Variants in C1QTNF3 observed in about 807,000 individuals in gnomAD.
The protein encoded by C1QTNF3 is complement C1q tumor necrosis factor-related protein 3.
A neutral mutation model predicts 32.6 loss-of-function variants in C1QTNF3; 26 were observed. The observed-to-expected ratio is 0.80, with a 90% CI of 0.58 to 1.11. The LOEUF (loss-of-function observed/expected upper bound fraction) is 1.11, where lower values mean the gene tolerates loss of function less well. Ranked by LOEUF, C1QTNF3 falls within the 50% of genes least tolerant of loss-of-function variation. The probability of loss-of-function intolerance (pLI) is 0.00; values close to 1 mark genes in which losing one functional copy is unlikely to be tolerated. For missense variants in C1QTNF3, 362 were observed against 398.2 expected, an observed-to-expected ratio of 0.91 and a Z score of 0.77; for synonymous variants, 155 against 146.0, an observed-to-expected ratio of 1.06 and a Z score of -0.44.
the C1QTNF3 span, among the ~76,000 whole-genome samples, chr5:34,048,363 G>T: frequency 8.3e-3 from 1,266 of 151,770 alleles, 57 homozygotes; most frequent in East Asian, 0.14. Context: ...TTGAGCATTT[G>T]TGTCCATCAG....
chr5:34,039,219 A>G (rs1754812267), intron 1 of C1QTNF3, among the ~76,000 whole-genome samples: 1 of 152,146 alleles, frequency 6.6e-6, no homozygotes, highest in Admixed American at 6.5e-5. Flanking sequence ...AACCCACCCC[A>G]AGGGAAGAAT....
At chr5:34,137,220 T>G in the C1QTNF3 span, among the ~76,000 whole-genome samples, 1 of 151,398 alleles carries the variant, frequency 6.6e-6, no homozygotes, top group Non-Finnish European at 1.5e-5. Context: ...CCAAGACAAA[T>G]ATCAGGATCC....
the C1QTNF3 span, among the ~76,000 whole-genome samples, chr5:34,153,853 T>G: frequency 3.0e-5 from 1 of 32,942 alleles, no homozygotes; most frequent in African/African-American, 9.3e-5. Context: ...ACTTAGAGTA[T>G]AAAAAAAAAA....
chr5:34,202,362 T>A, the C1QTNF3 span, among the ~76,000 whole-genome samples: 1 of 151,884 alleles, frequency 6.6e-6, no homozygotes, highest in Non-Finnish European at 1.5e-5. Context: ...TTTCTCTTCA[T>A]GGGAATATCC....
intron 1 of C1QTNF3, 56 bp downstream of exon 1, chr5:34,042,767 C>CAAT: frequency 2.0e-6 from 3 of 1,503,922 alleles, no homozygotes; most frequent in Non-Finnish European, 2.7e-6. Flanking sequence ...AACAAAACAA[C>CAAT]AACAACAACA....
the C1QTNF3 span, among the ~76,000 whole-genome samples, chr5:34,100,408 G>T: frequency 1.3e-5 from 2 of 150,986 alleles, no homozygotes; most frequent in Non-Finnish European, 3.0e-5. Context: ...TTAGCAAATG[G>T]CTTAAAATAC....
chr5:34,071,934 T>C, the C1QTNF3 span, among the ~76,000 whole-genome samples: 2 of 152,062 alleles, frequency 1.3e-5, no homozygotes, highest in Admixed American at 1.3e-4. Context: ...AAAGCTATTG[T>C]GATATTACTT....
chr5:34,075,532 G>A, the C1QTNF3 span, among the ~76,000 whole-genome samples: 1 of 151,596 alleles, frequency 6.6e-6, no homozygotes, highest in East Asian at 1.9e-4. Context: ...CAATTTGATA[G>A]CATAAGAGGA....
chr5:34,080,762 C>T, the C1QTNF3 span, among the ~76,000 whole-genome samples: 7 of 151,846 alleles, frequency 4.6e-5, no homozygotes, highest in East Asian at 1.4e-3. Context: ...CTTTTGTTAA[C>T]AGCAGAGGAA....
the C1QTNF3 span, among the ~76,000 whole-genome samples, chr5:34,204,479 CAAAT>C: frequency 6.6e-6 from 1 of 151,960 alleles, no homozygotes; most frequent in African/African-American, 2.4e-5. Context: ...TTAAGTGAAA[CAAAT>C]CAGACACAGA....
At chr5:34,176,870 T>C in the C1QTNF3 span, among the ~76,000 whole-genome samples, 2 of 151,554 alleles carry the variant, frequency 1.3e-5, no homozygotes, top group Non-Finnish European at 2.9e-5. Context: ...AATGAATGAA[T>C]GAATGAATGA....
At chr5:34,061,600 G>A in the C1QTNF3 span, among the ~76,000 whole-genome samples, 1 of 152,148 alleles carries the variant, frequency 6.6e-6, no homozygotes, top group East Asian at 1.9e-4. Flanking sequence ...TGCATTCTCA[G>A]GCTCAACACC....
the C1QTNF3 span, among the ~76,000 whole-genome samples, chr5:34,129,116 CT>C: frequency 6.6e-6 from 1 of 152,018 alleles, no homozygotes; most frequent in African/African-American, 2.4e-5. Context: ...GCACTTCCCC[CT>C]TCACACTCTT....
At chr5:34,157,843 T>C in the C1QTNF3 span, among the ~76,000 whole-genome samples, 1 of 152,210 alleles carries the variant, frequency 6.6e-6, no homozygotes, top group Non-Finnish European at 1.5e-5. Context: ...CTTATAGATC[T>C]GTAAGACGAT....
chr5:34,091,738 T>G, the C1QTNF3 span, among the ~76,000 whole-genome samples: 1 of 152,070 alleles, frequency 6.6e-6, no homozygotes, highest in Non-Finnish European at 1.5e-5. Flanking sequence ...GATGTCTCGT[T>G]TTATAAGCAT....
chr5:34,039,154 T>C (rs544441841), intron 1 of C1QTNF3, among the ~76,000 whole-genome samples: 69 of 152,192 alleles, frequency 4.5e-4, no homozygotes, highest in Middle Eastern at 6.8e-3. Flanking sequence ...CCAGTAAACA[T>C]ACTATGCATG....
At chr5:34,157,111 C>T in the C1QTNF3 span, among the ~76,000 whole-genome samples, 1,190 of 152,166 alleles carry the variant, frequency 7.8e-3, 21 homozygotes, top group Non-Finnish European at 0.011. Flanking sequence ...ATTACTTAAT[C>T]GCTGGGAATA....
At chr5:34,028,188 A>G (rs746044276) in intron 4 of C1QTNF3, among the ~76,000 whole-genome samples, 3 of 152,190 alleles carry the variant, frequency 2.0e-5, no homozygotes, top group Non-Finnish European at 2.9e-5. Flanking sequence ...CAGCCAGGAT[A>G]GTCTCTATCT....
chr5:34,223,140 G>C, the C1QTNF3 span, among the ~76,000 whole-genome samples: 3 of 149,312 alleles, frequency 2.0e-5, no homozygotes, highest in Admixed American at 6.7e-5. Context: ...TTTAGCATTA[G>C]ATATATCTCC....
Sources: gnomAD v4.1 joint callset for allele counts (sites outside exome capture counted in the v4.1 genomes callset) on GRCh38, gnomAD v4.1.1 for gene constraint, MANE v1.5 for transcripts, NCBI Gene and HGNC (gene_info 2026-07-23, HGNC 2026-07-21) for gene names.